Variants in PCBP3 observed in about 807,000 individuals in gnomAD.
The protein encoded by PCBP3 is poly(rC)-binding protein 3.
In PCBP3, 25 loss-of-function variants were observed where a neutral mutation model predicts 52.7. That is an observed-to-expected ratio of 0.47 (90% CI 0.35 to 0.66). PCBP3 has a LOEUF of 0.66. Among genes scored for constraint, PCBP3 ranks in the 30% least tolerant of loss-of-function variants. The pLI, the probability that PCBP3 is intolerant of heterozygous loss-of-function variation, is 0.01. For missense variants in PCBP3, 391 were observed against 490.3 expected (o/e 0.80, Z 1.91); for synonymous variants, 162 against 183.0 (o/e 0.89, Z 0.93).
chr21:45,751,514 T>C (rs2087500515), intron 3 of PCBP3: 2 of 152,368 alleles, frequency 1.3e-5, no homozygotes, highest in African/African-American at 4.8e-5. Flanking sequence ...TCCTCATTCT[T>C]CCTTTTGCTT....
chr21:45,688,593 AAAAT>A (rs1170923966), intron 2 of PCBP3, among the ~76,000 whole-genome samples: 1 of 152,172 alleles, frequency 6.6e-6, no homozygotes, highest in Non-Finnish European at 1.5e-5. Flanking sequence ...AAGTATATCC[AAAAT>A]AAATAGGAAG....
At chr21:45,937,485 G>A (rs1425590357) in intron 16 of PCBP3, among the ~76,000 whole-genome samples, 1 of 152,234 alleles carries the variant, frequency 6.6e-6, no homozygotes, top group Non-Finnish European at 1.5e-5. Flanking sequence ...TTCTGCTGGG[G>A]AAAGGAATCT....
At chr21:45,688,475 A>G (rs1034477925) in intron 2 of PCBP3, among the ~76,000 whole-genome samples, 9 of 152,216 alleles carry the variant, frequency 5.9e-5, no homozygotes, top group African/African-American at 2.2e-4. Flanking sequence ...CAGCTAAGGC[A>G]GTGGTTACGT....
intron 1 of PCBP3, among the ~76,000 whole-genome samples, chr21:45,659,446 C>T (rs1193974893): frequency 6.7e-6 from 1 of 148,970 alleles, no homozygotes; most frequent in Non-Finnish European, 1.5e-5. Context: ...GTCTCCTGAG[C>T]TCAAACGATC....
At chr21:45,659,277 G>C (rs1243106732) in intron 1 of PCBP3, among the ~76,000 whole-genome samples, 2 of 144,780 alleles carry the variant, frequency 1.4e-5, no homozygotes, top group Admixed American at 6.9e-5. Flanking sequence ...CTATAATTTT[G>C]TAAGAACTGC....
At chr21:45,918,760 C>T (rs200719493) in intron 13 of PCBP3, 9 of 141,548 alleles carry the variant, frequency 6.4e-5, no homozygotes, top group African/African-American at 2.4e-4. Context: ...CTCAGATAAA[C>T]GGTCGGTGTA....
chr21:45,700,760 C>T (rs1420958836), intron 2 of PCBP3, among the ~76,000 whole-genome samples: 1 of 152,178 alleles, frequency 6.6e-6, no homozygotes, highest in East Asian at 1.9e-4. Flanking sequence ...AGGCTGGTCA[C>T]TCCCTCCTTC....
chr21:45,839,142 A>G (rs191897946), intron 4 of PCBP3, among the ~76,000 whole-genome samples: 3 of 151,390 alleles, frequency 2.0e-5, no homozygotes, highest in Non-Finnish European at 2.9e-5. Context: ...TTGGCTTTAT[A>G]TTATCACTCT....
At chr21:45,713,070 C>T (rs2083956078) in intron 2 of PCBP3, among the ~76,000 whole-genome samples, 1 of 152,154 alleles carries the variant, frequency 6.6e-6, no homozygotes, top group African/African-American at 2.4e-5. Flanking sequence ...CTATTAATGC[C>T]TTTGCAGGAA....
chr21:45,723,611 G>C (rs1454304974), intron 2 of PCBP3, among the ~76,000 whole-genome samples: 1 of 152,060 alleles, frequency 6.6e-6, no homozygotes, highest in Non-Finnish European at 1.5e-5. Context: ...CATACCTGAA[G>C]TATGATCTAT....
chr21:45,872,496 T>C (rs1188720411), intron 5 of PCBP3: 1 of 152,314 alleles, frequency 6.6e-6, no homozygotes, highest in African/African-American at 2.4e-5. Flanking sequence ...TGGTAAATTG[T>C]CTTTACCTTC....
intron 2 of PCBP3, among the ~76,000 whole-genome samples, chr21:45,710,051 C>A (rs2083725988): frequency 1.3e-5 from 2 of 152,212 alleles, no homozygotes; most frequent in Non-Finnish European, 2.9e-5. Context: ...GTCAAGGAAG[C>A]TCACTGTCAG....
intron 13 of PCBP3, among the ~76,000 whole-genome samples, chr21:45,925,468 T>A (rs1430798913): frequency 6.6e-6 from 1 of 152,242 alleles, no homozygotes; most frequent in African/African-American, 2.4e-5. Flanking sequence ...ATGTGGATGA[T>A]TGTGATCAAA....
At chr21:45,716,212 A>T (rs1175767028) in intron 2 of PCBP3, among the ~76,000 whole-genome samples, 3 of 152,106 alleles carry the variant, frequency 2.0e-5, no homozygotes, top group Middle Eastern at 3.2e-3. Flanking sequence ...GCACACTGGG[A>T]CAATTATTAA....
intron 16 of PCBP3, among the ~76,000 whole-genome samples, chr21:45,937,838 G>A (rs2077042530): frequency 6.6e-6 from 1 of 152,252 alleles, no homozygotes; most frequent in South Asian, 2.1e-4. Flanking sequence ...CCCTTCTCAT[G>A]GCAGAGAGTG....
rs761796410 is a variant in PCBP3 at position 45,922,895 on chromosome 21, C to T, written c.717+5266C>T. ...GACGTGAGTGGCAGATGTGCAGCAA[C>T]GCTGGGAATCAAGCGGACACCAGTG... On this transcript the variant is annotated intron_variant, in intron 13 of 17. Coordinates refer to ENST00000681687, the MANE Select transcript of PCBP3 (RefSeq NM_001384156.1). Among the ~76,000 whole-genome samples, 37 of 152,310 alleles carry T rather than the reference C, an allele frequency of 2.4e-4. 1 individual carries two copies. The highest frequency in any genetic ancestry group is 6.8e-3 in the Middle Eastern group (2 of 294).
At chr21:45,713,769 G>A (rs2084019660) in intron 2 of PCBP3, among the ~76,000 whole-genome samples, 1 of 152,234 alleles carries the variant, frequency 6.6e-6, no homozygotes, top group Non-Finnish European at 1.5e-5. Flanking sequence ...CGCTGCAGAT[G>A]TGCAGCCATG....
At chr21:45,798,213 TAGAG>T (rs367725976) in intron 4 of PCBP3, among the ~76,000 whole-genome samples, 1 of 147,174 alleles carries the variant, frequency 6.8e-6, no homozygotes, top group African/African-American at 2.6e-5. Flanking sequence ...CATGGATCCA[TAGAG>T]AGAGTGAATG....
intron 5 of PCBP3, among the ~76,000 whole-genome samples, chr21:45,861,452 C>A (rs920974089): frequency 6.6e-6 from 1 of 152,178 alleles, no homozygotes; most frequent in African/African-American, 2.4e-5. Context: ...TGGGTGCCAG[C>A]CCCACCACCC....
Sources: gnomAD v4.1 joint callset for allele counts (sites outside exome capture counted in the v4.1 genomes callset) on GRCh38, gnomAD v4.1.1 for gene constraint, MANE v1.5 for transcripts, NCBI Gene and HGNC (gene_info 2026-07-23, HGNC 2026-07-21) for gene names.